Variants in VWC2 observed in about 807,000 individuals in gnomAD.
VWC2 encodes von Willebrand factor C domain containing 2.
In VWC2, 14 loss-of-function variants were observed where a neutral mutation model predicts 29.8. The observed-to-expected ratio is 0.47, with a 90% CI of 0.31 to 0.74. VWC2 has a LOEUF of 0.74. VWC2 is among the 30% of genes least tolerant of loss of function. The probability of loss-of-function intolerance (pLI) is 0.05; values close to 1 mark genes in which losing one functional copy is unlikely to be tolerated. For missense variants in VWC2, 457 were observed against 459.8 expected, an observed-to-expected ratio of 0.99 and a Z score of 0.05; for synonymous variants, 213 against 199.0, an observed-to-expected ratio of 1.07 and a Z score of -0.59.
At chr7:49,785,719 A>G (rs1788280870) in intron 2 of VWC2, among the ~76,000 whole-genome samples, 1 of 152,222 alleles carries the variant, frequency 6.6e-6, no homozygotes, top group Non-Finnish European at 1.5e-5. Context: ...GTAGGAGAAT[A>G]TTTTTAAATA....
chr7:49,784,400 G>C (rs1788249286), intron 2 of VWC2, among the ~76,000 whole-genome samples: 1 of 152,226 alleles, frequency 6.6e-6, no homozygotes, highest in South Asian at 2.1e-4. Context: ...GGTGGAGTTG[G>C]AATCCATAGA....
Position 49,921,436 on chromosome 7 carries a change from T to A in VWC2, c.*9251T>A, listed in dbSNP as rs1295054735. The A allele has an allele frequency of 1.3e-5, 2 of 152,252 alleles. No individual in the cohort carries two copies. Among genetic ancestry groups the A allele is most frequent in the Admixed American group, 1.3e-4 (2 of 15,280 alleles). 9.4% of individuals were successfully genotyped at this position (152,252 alleles called of 1,614,324 possible). On this transcript the variant is annotated 3_prime_UTR_variant, in exon 4 of 4. Coordinates refer to ENST00000340652, the MANE Select transcript of VWC2 (RefSeq NM_198570.5). ...GCAATTTATTTGCTTTAATGTAACT[T>A]GGCAGTAAAGACTTTGGCCTTTGGA...
chr7:49,861,918 G>A (rs1287601983), intron 3 of VWC2, among the ~76,000 whole-genome samples: 1 of 152,290 alleles, frequency 6.6e-6, no homozygotes, highest in African/African-American at 2.4e-5. Context: ...ATTGGGAATT[G>A]TGTGTATTTT....
chr7:49,864,614 G>T (rs531182829), intron 3 of VWC2, among the ~76,000 whole-genome samples: 98 of 152,190 alleles, frequency 6.4e-4, no homozygotes, highest in Non-Finnish European at 9.8e-4. Flanking sequence ...GTGTTTTCGA[G>T]CATCATCTAC....
chr7:49,877,995 A>G (rs1406449810), intron 3 of VWC2, among the ~76,000 whole-genome samples: 1 of 152,012 alleles, frequency 6.6e-6, no homozygotes, highest in Non-Finnish European at 1.5e-5. Context: ...CTTTCTTGAT[A>G]TCTTTGGATG....
chr7:49,857,257 G>A (rs1467114939), intron 3 of VWC2, among the ~76,000 whole-genome samples: 1 of 152,036 alleles, frequency 6.6e-6, no homozygotes, highest in Non-Finnish European at 1.5e-5. Flanking sequence ...CTCCTCTAGC[G>A]ACTTTATATA....
At chr7:49,906,519 C>G (rs1296198896) in intron 3 of VWC2, among the ~76,000 whole-genome samples, 3 of 152,064 alleles carry the variant, frequency 2.0e-5, no homozygotes, top group Non-Finnish European at 4.4e-5. Flanking sequence ...TGTATTTTTA[C>G]TATAGATGGG....
intron 3 of VWC2, 98 bp downstream of exon 3, chr7:49,802,938 G>A: frequency 6.6e-7 from 1 of 1,512,404 alleles, no homozygotes; most frequent in Non-Finnish European, 9.0e-7. Flanking sequence ...GGATACGTGA[G>A]TTTCATCCTA....
chr7:49,826,128 C>A (rs1473091223), intron 3 of VWC2, among the ~76,000 whole-genome samples: 1 of 152,186 alleles, frequency 6.6e-6, no homozygotes, highest in Non-Finnish European at 1.5e-5. Flanking sequence ...TTAGAGTAAA[C>A]TCTGCTAGGT....
At chr7:49,846,670 G>A (rs776531824) in intron 3 of VWC2, among the ~76,000 whole-genome samples, 4 of 152,154 alleles carry the variant, frequency 2.6e-5, no homozygotes, top group Non-Finnish European at 4.4e-5. Flanking sequence ...CCACAGAGAC[G>A]TTTTCATCAC....
intron 3 of VWC2, among the ~76,000 whole-genome samples, chr7:49,893,598 T>C (rs1291253166): frequency 6.6e-6 from 1 of 151,722 alleles, no homozygotes; most frequent in East Asian, 1.9e-4. Flanking sequence ...ATTTTTAGTT[T>C]ACTCTTAGTG....
intron 3 of VWC2, among the ~76,000 whole-genome samples, chr7:49,826,473 CT>C (rs1376887334): frequency 2.6e-5 from 4 of 152,140 alleles, no homozygotes; most frequent in African/African-American, 9.7e-5. Flanking sequence ...AGTCAAGAAC[CT>C]GTTATATACA....
intron 3 of VWC2, 86 bp from the exon 4 acceptor site, chr7:49,911,930 CACACACACACACACACAT>C: frequency 1.2e-6 from 1 of 805,974 alleles, no homozygotes; most frequent in Non-Finnish European, 1.7e-6. Flanking sequence ...CACGCACACA[CACACACACACACACACAT>C]ATATATACTG....
At chr7:49,832,481 G>A (rs914576308) in intron 3 of VWC2, among the ~76,000 whole-genome samples, 1 of 152,094 alleles carries the variant, frequency 6.6e-6, no homozygotes, top group East Asian at 1.9e-4. Context: ...TAGGCAGAAA[G>A]GACTTAAGGA....
At chr7:49,797,337 C>T (rs1217035843) in intron 2 of VWC2, among the ~76,000 whole-genome samples, 1 of 152,192 alleles carries the variant, frequency 6.6e-6, no homozygotes, top group Non-Finnish European at 1.5e-5. Context: ...TTCATGCCTC[C>T]CATTTGTCTG....
intron 3 of VWC2, among the ~76,000 whole-genome samples, chr7:49,891,242 G>C (rs1792116000): frequency 6.6e-6 from 1 of 152,072 alleles, no homozygotes; most frequent in African/African-American, 2.4e-5. Flanking sequence ...AAGGCAAGAA[G>C]CATCTCTTGA....
chr7:49,838,134 G>C (rs1266940627), intron 3 of VWC2, among the ~76,000 whole-genome samples: 1 of 152,186 alleles, frequency 6.6e-6, no homozygotes, highest in African/African-American at 2.4e-5. Flanking sequence ...AGATCCTGAA[G>C]GCTGTCTTCC....
Position 49,920,335 on chromosome 7 carries a change from A to C in VWC2, c.*8150A>C, listed in dbSNP as rs921857639. On this transcript the variant is annotated 3_prime_UTR_variant, in exon 4 of 4. Coordinates refer to ENST00000340652, the MANE Select transcript of VWC2 (RefSeq NM_198570.5). ...TAAATTTATTCCTCAGAATGATGTAAATTTTCCAGCTGGAAGGTCATCTTT... is the reference window on the plus strand; with the variant it reads ...TAAATTTATTCCTCAGAATGATGTACATTTTCCAGCTGGAAGGTCATCTTT... The C allele has an allele frequency of 7.2e-5, 11 of 152,198 alleles. No homozygotes were observed. Among genetic ancestry groups the C allele is most frequent in the Non-Finnish European group, 1.2e-4 (8 of 68,034 alleles). 9.4% of individuals were successfully genotyped at this position (152,198 alleles called of 1,614,324 possible).
chr7:49,882,760 T>G (rs879846409), intron 3 of VWC2, among the ~76,000 whole-genome samples: 1 of 152,194 alleles, frequency 6.6e-6, no homozygotes, highest in South Asian at 2.1e-4. Context: ...AAAATTGTAT[T>G]TAAAAGAATC....
Sources: allele counts gnomAD v4.1 joint callset (sites outside exome capture counted in the v4.1 genomes callset), GRCh38; gene constraint gnomAD v4.1.1; transcripts MANE v1.5; gene names NCBI Gene and HGNC (gene_info 2026-07-23, HGNC 2026-07-21).